FHIT: variants seen among roughly 807,000 people sequenced by gnomAD.
FHIT encodes the protein bis(5'-adenosyl)-triphosphatase.
Under a neutral mutation model 17.9 loss-of-function variants are expected in FHIT, and 19 were observed. That is an observed-to-expected ratio of 1.06 (90% CI 0.74 to 1.56). The LOEUF is 1.56. Among genes scored for constraint, FHIT ranks in the 40% most tolerant of loss-of-function variants. The probability of loss-of-function intolerance (pLI) is 0.00; values close to 1 mark genes in which losing one functional copy is unlikely to be tolerated. For synonymous variants in FHIT, 81 were observed against 69.7 expected (o/e 1.16, Z -0.81); for missense variants, 248 against 189.2 (o/e 1.31, Z -1.82).
At chr3:59,831,351 G>A (rs775195526) in intron 8 of FHIT, among the ~76,000 whole-genome samples, 1 of 152,212 alleles carries the variant, frequency 6.6e-6, no homozygotes, top group Middle Eastern at 3.4e-3. Flanking sequence ...AGTCTACTAA[G>A]TGCCTAATGT....
chr3:59,760,202 A>C (rs1701435845), intron 8 of FHIT, among the ~76,000 whole-genome samples: 1 of 152,222 alleles, frequency 6.6e-6, no homozygotes, highest in Non-Finnish European at 1.5e-5. Flanking sequence ...TGCTGAAATA[A>C]GCTCTTATAT....
At chr3:60,760,647 A>G (rs1699615737) in intron 4 of FHIT, among the ~76,000 whole-genome samples, 1 of 152,220 alleles carries the variant, frequency 6.6e-6, no homozygotes, top group East Asian at 1.9e-4. Context: ...AAGAAAAAGT[A>G]ATGCCCAGCA....
chr3:60,283,543 TA>T (rs1424780083), intron 5 of FHIT, among the ~76,000 whole-genome samples: 1 of 152,094 alleles, frequency 6.6e-6, no homozygotes, highest in Admixed American at 6.6e-5. Context: ...ATCTCAAATG[TA>T]GATTACAAAA....
rs548030131 is a variant in FHIT, at chr3:60,988,092, T to TTA, written c.-111+53954_-111+53955insTA. On this transcript the variant is annotated intron_variant, in intron 3 of 9. Transcript: ENST00000492590. ...ACCTTGTACTATCAAACCAGTATAT[T>TTA]AAACAGTTACTGCTTTAAAAATCAG... Among the ~76,000 whole-genome samples the TTA allele has an allele frequency of 1.2e-4, 19 of 152,360 alleles. No homozygotes were observed. The East Asian group carries it at 3.5e-3, about 28-fold the overall frequency.
chr3:60,439,057 A>G (rs777731065), intron 5 of FHIT, among the ~76,000 whole-genome samples: 8 of 152,144 alleles, frequency 5.3e-5, no homozygotes, highest in Non-Finnish European at 1.0e-4. Flanking sequence ...GATTGGCTTT[A>G]TATTAGATGG....
intron 3 of FHIT, among the ~76,000 whole-genome samples, chr3:60,954,247 G>A (rs2107469157): frequency 6.6e-6 from 1 of 152,232 alleles, no homozygotes; most frequent in South Asian, 2.1e-4. Context: ...GCTTTCCCCA[G>A]TTATTTATAT....
At chr3:61,021,286 A>T (rs1041255537) in intron 3 of FHIT, among the ~76,000 whole-genome samples, 7 of 151,984 alleles carry the variant, frequency 4.6e-5, no homozygotes, top group African/African-American at 1.5e-4. Flanking sequence ...GAAGTAAAAC[A>T]CTCCTCAGCA....
chr3:60,055,724 G>C (rs1702055286), intron 5 of FHIT, among the ~76,000 whole-genome samples: 2 of 152,098 alleles, frequency 1.3e-5, no homozygotes, highest in African/African-American at 4.8e-5. Context: ...ATTTTATAGG[G>C]ATGCAAACTT....
chr3:61,198,201 T>C (rs191879671), intron 2 of FHIT, among the ~76,000 whole-genome samples: 2 of 152,200 alleles, frequency 1.3e-5, no homozygotes, highest in East Asian at 1.9e-4. Context: ...GGAAGGATAC[T>C]GGAGTCTCAG....
intron 5 of FHIT, among the ~76,000 whole-genome samples, chr3:60,486,354 A>G (rs9818342): frequency 0.096 from 14,597 of 152,180 alleles, 1,095 homozygotes; most frequent in East Asian, 0.39. Flanking sequence ...TTATCTAGTC[A>G]TAAAATAGAG....
At chr3:59,899,134 G>A (rs944040745) in intron 8 of FHIT, among the ~76,000 whole-genome samples, 2 of 152,124 alleles carry the variant, frequency 1.3e-5, no homozygotes, top group African/African-American at 4.8e-5. Context: ...TGGGACCTTG[G>A]GCAACTGACA....
chr3:60,087,070 C>T (rs967473981), intron 5 of FHIT, among the ~76,000 whole-genome samples: 2 of 152,322 alleles, frequency 1.3e-5, no homozygotes, highest in African/African-American at 2.4e-5. Flanking sequence ...TGCCTGCAGA[C>T]GTAACGTCAT....
chr3:59,988,845 C>G (rs183116892), intron 7 of FHIT, among the ~76,000 whole-genome samples: 2 of 152,128 alleles, frequency 1.3e-5, no homozygotes, highest in East Asian at 3.9e-4. Flanking sequence ...GTTAGGGCCT[C>G]GAGCAGGAGG....
chr3:59,944,057 A>G (rs2366966), intron 7 of FHIT, among the ~76,000 whole-genome samples: 4,500 of 152,324 alleles, frequency 0.03, 109 homozygotes, highest in Non-Finnish European at 0.044. Context: ...ACTAGCTATG[A>G]TTTAACATTT....
intron 8 of FHIT, among the ~76,000 whole-genome samples, chr3:59,803,413 C>T (rs11921950): frequency 0.051 from 7,730 of 152,248 alleles, 414 homozygotes; most frequent in African/African-American, 0.13. Context: ...GGTGAGCGGG[C>T]TTGCTTCCAT....
chr3:60,335,773 G>A (rs141229241), intron 5 of FHIT, among the ~76,000 whole-genome samples: 26 of 152,126 alleles, frequency 1.7e-4, no homozygotes, highest in African/African-American at 5.5e-4. Flanking sequence ...AATTAATTAT[G>A]CCTGTTTCTC....
At chr3:60,048,468 G>T (rs212052) in intron 5 of FHIT, among the ~76,000 whole-genome samples, 1 of 152,028 alleles carries the variant, frequency 6.6e-6, no homozygotes, top group Non-Finnish European at 1.5e-5. Flanking sequence ...GAGTCTCTAC[G>T]ACCGGCCTTA....
chr3:59,848,456 C>A (rs988525562), intron 8 of FHIT, among the ~76,000 whole-genome samples: 5 of 152,076 alleles, frequency 3.3e-5, no homozygotes, highest in Admixed American at 2.6e-4. Context: ...AAATCACAGA[C>A]CTTTAATAGC....
intron 5 of FHIT, among the ~76,000 whole-genome samples, chr3:60,455,016 G>A (rs2031998137): frequency 6.6e-6 from 1 of 152,034 alleles, no homozygotes; most frequent in African/African-American, 2.4e-5. Context: ...TGTCTTTAGT[G>A]ACTATATTAT....
Sources: gnomAD v4.1 joint callset for allele counts (sites outside exome capture counted in the v4.1 genomes callset) on GRCh38, gnomAD v4.1.1 for gene constraint, MANE v1.5 for transcripts, NCBI Gene and HGNC (gene_info 2026-07-23, HGNC 2026-07-21) for gene names.